CEP128: variants seen among roughly 807,000 people sequenced by gnomAD.
CEP128 encodes the protein centrosomal protein 128, also known as centrosomal protein 128kDa.
In CEP128, 132 loss-of-function variants were observed where a neutral mutation model predicts 156.7. The ratio of observed to expected loss-of-function variants is 0.84; its 90% CI spans 0.73 to 0.97. The LOEUF (loss-of-function observed/expected upper bound fraction) is 0.97, where lower values mean the gene tolerates loss of function less well. CEP128 is among the 50% of genes least tolerant of loss of function. The pLI, the probability that CEP128 is intolerant of heterozygous loss-of-function variation, is 0.00. For missense variants in CEP128, 1,252 were observed against 1,281.9 expected (o/e 0.98, Z 0.36); for synonymous variants, 469 against 448.9 (o/e 1.04, Z -0.57).
intron 19 of CEP128, among the ~76,000 whole-genome samples, chr14:80,678,047 AAAATAT>A (rs1896144511): frequency 5.0e-4 from 34 of 68,528 alleles, no homozygotes; most frequent in Admixed American, 2.3e-3. Flanking sequence ...CTATAAAAAA[AAAATAT>A]ATATATATAT....
chr14:80,895,622 A>T, intron 8 of CEP128, 96 bp downstream of exon 8: 1 of 777,490 alleles, frequency 1.3e-6, no homozygotes, highest in Non-Finnish European at 2.0e-6. Flanking sequence ...CATACCACCC[A>T]AAAGGTTAAA....
intron 19 of CEP128, among the ~76,000 whole-genome samples, chr14:80,670,268 T>A (rs567979310): frequency 6.6e-6 from 1 of 152,180 alleles, no homozygotes; most frequent in Non-Finnish European, 1.5e-5. Context: ...ATAAAAAAGA[T>A]ACCTTTACTC....
chr14:80,886,110 C>T (rs1888785382), intron 8 of CEP128, among the ~76,000 whole-genome samples: 1 of 152,050 alleles, frequency 6.6e-6, no homozygotes, highest in African/African-American at 2.4e-5. Flanking sequence ...AACAAAGCCT[C>T]CAAGGAATAT....
At chr14:80,654,205 T>C (rs1251467353) in intron 19 of CEP128, among the ~76,000 whole-genome samples, 1 of 152,064 alleles carries the variant, frequency 6.6e-6, no homozygotes, top group Non-Finnish European at 1.5e-5. Flanking sequence ...TGTCATATTA[T>C]ATGTGACTTG....
At chr14:80,504,123 G>A (rs1887861181) in intron 24 of CEP128, among the ~76,000 whole-genome samples, 1 of 152,114 alleles carries the variant, frequency 6.6e-6, no homozygotes, top group African/African-American at 2.4e-5. Context: ...ATAACATTTG[G>A]ATCCCAATAG....
intron 13 of CEP128, chr14:80,830,191 A>C: frequency 1.7e-6 from 1 of 602,168 alleles, no homozygotes. Context: ...TTTATTAAAC[A>C]TGTAGAGGGC....
Position 80,647,011 on chromosome 14 carries a change from A to ATATGTG in CEP128, c.2807-66589_2807-66588insCACATA, listed in dbSNP as rs1233103116. Among the ~76,000 whole-genome samples, 529 of 72,528 alleles carry ATATGTG rather than the reference A, an allele frequency of 7.3e-3. 49 individuals are homozygous for ATATGTG. Among genetic ancestry groups the ATATGTG allele is most frequent in the Non-Finnish European group, 0.013 (412 of 30,890 alleles). The allele number at this position is 72,528 out of a possible 152,430, so 47.6% of individuals were successfully genotyped here. On this transcript the variant is annotated intron_variant, in intron 19 of 24. Coordinates refer to ENST00000555265, the MANE Select transcript of CEP128 (RefSeq NM_152446.5). Reference sequence around the variant, plus strand: ...TTATAAGAAATATATATATATATATATGTGTGTGTATATATATGTGTGCAT... The same window carrying ATATGTG: ...TTATAAGAAATATATATATATATATATATGTGTGTGTGTGTATATATATGTGTGCAT...
chr14:80,678,992 T>C (rs1239037503), intron 19 of CEP128, among the ~76,000 whole-genome samples: 2 of 152,222 alleles, frequency 1.3e-5, no homozygotes, highest in Non-Finnish European at 2.9e-5. Context: ...TCTCTGAACA[T>C]AAATTGTGAA....
chr14:80,629,748 ATCTTT>A (rs1893886448), intron 19 of CEP128, among the ~76,000 whole-genome samples: 1 of 151,846 alleles, frequency 6.6e-6, no homozygotes, highest in Non-Finnish European at 1.5e-5. Context: ...CCTTGTTTTC[ATCTTT>A]TCTTTTCCAT....
intron 9 of CEP128, among the ~76,000 whole-genome samples, chr14:80,841,972 C>A (rs1886368087): frequency 6.6e-6 from 1 of 151,702 alleles, no homozygotes; most frequent in Non-Finnish European, 1.5e-5. Context: ...TTAAAAAAAT[C>A]CAAATTTCTA....
At chr14:80,733,583 A>G (rs1311907893) in intron 19 of CEP128, among the ~76,000 whole-genome samples, 1 of 152,134 alleles carries the variant, frequency 6.6e-6, no homozygotes, top group Non-Finnish European at 1.5e-5. Context: ...TAAATATAAG[A>G]GAGATTTTAA....
chr14:80,680,112 G>A lies in CEP128; in HGVS notation c.2806+62963C>T, dbSNP rs542312090. ...GGGAGCCTTCACAGGGAGAACAGAAGTGTGGAAAGTGCCTCAGTAGCAAGC... is the reference window on the plus strand; with the variant it reads ...GGGAGCCTTCACAGGGAGAACAGAAATGTGGAAAGTGCCTCAGTAGCAAGC... On this transcript the variant is annotated intron_variant, in intron 19 of 24. Coordinates refer to ENST00000555265, the MANE Select transcript of CEP128 (RefSeq NM_152446.5). 1.8e-4 allele frequency among the ~76,000 whole-genome samples: 28 copies of A among 152,290 alleles called. No homozygotes were observed. The South Asian group carries it at 5.8e-3, about 32-fold the overall frequency.
At chr14:80,622,888 G>T (rs1399810458) in intron 19 of CEP128, among the ~76,000 whole-genome samples, 2 of 150,380 alleles carry the variant, frequency 1.3e-5, no homozygotes, top group African/African-American at 4.9e-5. Context: ...AACCATTGTG[G>T]AAGTCAGTGT....
At chr14:80,591,260 C>T (rs1892052373) in intron 19 of CEP128, among the ~76,000 whole-genome samples, 1 of 151,772 alleles carries the variant, frequency 6.6e-6, no homozygotes, top group Non-Finnish European at 1.5e-5. Flanking sequence ...ATTCAGGAGA[C>T]CCATCTCACG....
chr14:80,692,328 G>A (rs150089498), intron 19 of CEP128, among the ~76,000 whole-genome samples: 51 of 152,128 alleles, frequency 3.4e-4, no homozygotes, highest in Non-Finnish European at 6.5e-4. Context: ...AACTTCCATT[G>A]GTCATCTCTA....
chr14:80,514,701 A>ACAG, intron 23 of CEP128: 1 of 412,990 alleles, frequency 2.4e-6, no homozygotes, highest in Non-Finnish European at 4.9e-6. Flanking sequence ...TATTTTTGTC[A>ACAG]CTCCAGTATC....
rs751143500 is a variant in CEP128 at position 80,785,297 on chromosome 14, G to T, written c.1809C>A (p.Ser603Arg). ...AGTGAGCTTTCTCAACTTTCATCTGGCTTTGGATCTTACTCTGCTTTTTCA... is the reference window on the plus strand; with the variant it reads ...AGTGAGCTTTCTCAACTTTCATCTGTCTTTGGATCTTACTCTGCTTTTTCA... ...SELKKQSKIQ[S>R]QMKVEKAHLE... The change falls in exon 15 of 25, where the codon AGC becomes AGA. Residue 603 changes from serine (S) to arginine (R), a missense_variant. Ser to Arg is a moderately radical substitution (Grantham distance 110). Coordinates refer to ENST00000555265, the MANE Select transcript of CEP128 (RefSeq NM_152446.5). 1.9e-6 allele frequency: 3 copies of T among 1,614,054 alleles called. No homozygotes were observed. Among genetic ancestry groups the T allele is most frequent in the South Asian group, 1.1e-5 (1 of 91,080 alleles).
chr14:80,487,186 C>A (rs547084991), downstream of CEP128, among the ~76,000 whole-genome samples: 547 of 151,904 alleles, frequency 3.6e-3, 2 homozygotes, highest in African/African-American at 0.012. Context: ...GGAAGATCTA[C>A]CAAGCAAATG....
chr14:80,908,316 T>TTA, intron 4 of CEP128, among the ~76,000 whole-genome samples: 1 of 152,302 alleles, frequency 6.6e-6, no homozygotes, highest in East Asian at 1.9e-4. Context: ...CAACTGCATT[T>TTA]TAGTTATACC....
Sources: allele counts gnomAD v4.1 joint callset (sites outside exome capture counted in the v4.1 genomes callset), GRCh38; gene constraint gnomAD v4.1.1; transcripts MANE v1.5; gene names NCBI Gene and HGNC (gene_info 2026-07-23, HGNC 2026-07-21).